UBE2D3: variants seen among roughly 807,000 people sequenced by gnomAD.
The protein encoded by UBE2D3 is ubiquitin conjugating enzyme E2 D3.
UBE2D3 carries 2 observed loss-of-function variants against 22.8 expected under a neutral mutation model. That is an observed-to-expected ratio of 0.09 (90% CI 0.04 to 0.28). The LOEUF (loss-of-function observed/expected upper bound fraction) is 0.28, where lower values mean the gene tolerates loss of function less well. UBE2D3 is among the 10% of genes least tolerant of loss of function. UBE2D3 has a pLI of 1.00. For missense variants in UBE2D3, 27 were observed against 182.5 expected (o/e 0.15, Z 4.91); for synonymous variants, 56 against 60.4 (o/e 0.93, Z 0.34).
intron 4 of UBE2D3, chr4:102,809,139 A>G: frequency 3.2e-6 from 1 of 313,822 alleles, no homozygotes; most frequent in South Asian, 2.4e-5. Context: ...ATATTCAATT[A>G]TCCAGCATAT....
intron 2 of UBE2D3, among the ~76,000 whole-genome samples, chr4:102,816,047 G>A (rs1184894963): frequency 6.6e-6 from 1 of 152,102 alleles, no homozygotes; most frequent in East Asian, 1.9e-4. Flanking sequence ...AGACAGTATC[G>A]TAGGAAAAAA....
At chr4:102,853,062 C>T (rs1429641473) in intron 1 of UBE2D3, among the ~76,000 whole-genome samples, 2 of 151,080 alleles carry the variant, frequency 1.3e-5, no homozygotes, top group Non-Finnish European at 2.9e-5. Flanking sequence ...TGTGGGGGCA[C>T]TCTCATCTGT....
At chr4:102,828,009 A>G (rs1436420182), upstream of UBE2D3, 10 of 985,460 alleles carry the variant, frequency 1.0e-5, no homozygotes, top group South Asian at 4.7e-5. Flanking sequence ...TAGCTCTGCA[A>G]TGACTTAAGA....
intron 1 of UBE2D3, among the ~76,000 whole-genome samples, chr4:102,844,415 T>C (rs1731931477): frequency 6.6e-6 from 1 of 152,170 alleles, no homozygotes; most frequent in Admixed American, 6.5e-5. Context: ...GCCCTGCTTT[T>C]CCTTTACTAT....
intron 2 of UBE2D3, among the ~76,000 whole-genome samples, chr4:102,818,075 A>G (rs930039924): frequency 5.3e-5 from 8 of 152,204 alleles, no homozygotes; most frequent in Non-Finnish European, 8.8e-5. Context: ...TACTGTGCTG[A>G]CTACCCCTCA....
chr4:102,821,005 A>G (rs539376204), intron 2 of UBE2D3, among the ~76,000 whole-genome samples: 1 of 152,310 alleles, frequency 6.6e-6, no homozygotes, highest in Non-Finnish European at 1.5e-5. Context: ...ACAAAGTATA[A>G]AAATACTTCC....
chr4:102,822,103 C>A (rs1460134341), intron 2 of UBE2D3, among the ~76,000 whole-genome samples: 1 of 152,158 alleles, frequency 6.6e-6, no homozygotes, highest in South Asian at 2.1e-4. Context: ...ACAGAGCAAT[C>A]TAGTGACACA....
intron 1 of UBE2D3, among the ~76,000 whole-genome samples, chr4:102,859,873 T>A (rs1732798673): frequency 6.6e-6 from 1 of 150,380 alleles, no homozygotes; most frequent in South Asian, 2.1e-4. Flanking sequence ...TGATATGGAG[T>A]CTCGCTCTGT....
intron 4 of UBE2D3, among the ~76,000 whole-genome samples, chr4:102,806,739 TAAGC>T (rs1270547798): frequency 6.6e-6 from 1 of 152,136 alleles, no homozygotes; most frequent in Non-Finnish European, 1.5e-5. Context: ...AAAAAAAATT[TAAGC>T]AAGTAAATAT....
intron 1 of UBE2D3, among the ~76,000 whole-genome samples, chr4:102,864,386 C>A (rs1733048965): frequency 3.1e-5 from 1 of 32,024 alleles, no homozygotes; most frequent in African/African-American, 3.9e-4. Context: ...AATGGGCTGA[C>A]AGAGCAGAAA....
upstream of UBE2D3, chr4:102,828,030 G>A: frequency 1.0e-6 from 1 of 985,414 alleles, no homozygotes; most frequent in Non-Finnish European, 1.2e-6. Flanking sequence ...GCAGTTTTGT[G>A]CGCTTTTCCT....
At chr4:102,826,828 G>A (rs948782628) in intron 1 of UBE2D3, 192 bp from the exon 2 acceptor site, 3 of 1,180,566 alleles carry the variant, frequency 2.5e-6, no homozygotes, top group Non-Finnish European at 3.2e-6. Flanking sequence ...GTGGCTACAA[G>A]TTTAACTTCC....
chr4:102,829,072 C>T (rs1302104337), upstream of UBE2D3, among the ~76,000 whole-genome samples: 1 of 152,214 alleles, frequency 6.6e-6, no homozygotes, highest in East Asian at 1.9e-4. Context: ...CTAATGTATA[C>T]TGTTCAAGTG....
chr4:102,826,995 G>A, intron 1 of UBE2D3: 4 of 996,718 alleles, frequency 4.0e-6, no homozygotes, highest in Non-Finnish European at 2.4e-6. Context: ...GGGGGGAGGG[G>A]GAAGCATAAG....
intron 1 of UBE2D3, among the ~76,000 whole-genome samples, chr4:102,851,780 T>A (rs1732370228): frequency 6.6e-6 from 1 of 151,666 alleles, no homozygotes; most frequent in African/African-American, 2.4e-5. Context: ...AATTCTCCTG[T>A]CTCAGCCTCC....
chr4:102,847,992 A>T (rs1560888984), intron 1 of UBE2D3, among the ~76,000 whole-genome samples: 1 of 152,138 alleles, frequency 6.6e-6, no homozygotes, highest in African/African-American at 2.4e-5. Flanking sequence ...GCATGTGGGA[A>T]TTATTTATAG....
At chr4:102,798,964 C>T (rs1476545408) in intron 7 of UBE2D3, 1 of 1,611,720 alleles carries the variant, frequency 6.2e-7, no homozygotes, top group Non-Finnish European at 8.5e-7. Flanking sequence ...CACTCTCTTG[C>T]TAACCTATTG....
intron 1 of UBE2D3, among the ~76,000 whole-genome samples, chr4:102,847,563 A>G (rs1732101248): frequency 6.6e-6 from 1 of 152,196 alleles, no homozygotes; most frequent in Non-Finnish European, 1.5e-5. Flanking sequence ...CTGGGATTAC[A>G]GGTGTGAGCC....
chr4:102,849,462 G>GT (rs1732232997), intron 1 of UBE2D3, among the ~76,000 whole-genome samples: 2 of 151,032 alleles, frequency 1.3e-5, no homozygotes, highest in South Asian at 4.2e-4. Flanking sequence ...TAACCACAAT[G>GT]TAAGAAAAGA....
Sources: gnomAD v4.1 joint callset for allele counts (sites outside exome capture counted in the v4.1 genomes callset) on GRCh38, gnomAD v4.1.1 for gene constraint, MANE v1.5 for transcripts, NCBI Gene and HGNC (gene_info 2026-07-23, HGNC 2026-07-21) for gene names.